SAMMSON: variants seen among roughly 807,000 people sequenced by gnomAD.
SAMMSON encodes survival associated mitochondrial melanoma specific oncogenic non-coding RNA.
At chr3:70,395,871 G>A (rs1020864084) in intron 2 of SAMMSON, among the ~76,000 whole-genome samples, 13 of 152,058 alleles carry the variant, frequency 8.5e-5, no homozygotes, top group Non-Finnish European at 1.5e-4. Flanking sequence ...GGTACTTAAA[G>A]GCACGAGCTT....
At chr3:70,136,395 G>C (rs192292359) in intron 4 of SAMMSON, among the ~76,000 whole-genome samples, 43 of 152,288 alleles carry the variant, frequency 2.8e-4, no homozygotes, top group Non-Finnish European at 3.4e-4. Flanking sequence ...ATCTATGGAG[G>C]GGTTCATGTG....
intron 6 of SAMMSON, among the ~76,000 whole-genome samples, chr3:70,290,198 C>T (rs1475131415): frequency 6.6e-6 from 1 of 152,124 alleles, no homozygotes; most frequent in Non-Finnish European, 1.5e-5. Context: ...GTTTTATCTA[C>T]TTTTGGTCTT....
intron 4 of SAMMSON, among the ~76,000 whole-genome samples, chr3:70,145,042 C>T (rs986487531): frequency 6.6e-6 from 1 of 152,110 alleles, no homozygotes; most frequent in Non-Finnish European, 1.5e-5. Context: ...ATCTGTTACC[C>T]ATCTTTCTCC....
intron 3 of SAMMSON, among the ~76,000 whole-genome samples, chr3:70,036,050 A>G (rs1471659267): frequency 6.6e-6 from 1 of 152,198 alleles, no homozygotes; most frequent in Non-Finnish European, 1.5e-5. Flanking sequence ...ATGGGCTTAC[A>G]GTCAGATAAA....
chr3:70,126,063 C>G (rs2067457187), intron 4 of SAMMSON: 1 of 1,084,896 alleles, frequency 9.2e-7, no homozygotes, highest in Admixed American at 2.0e-5. Context: ...GATGAAGGAC[C>G]TGTACATAGA....
chr3:70,103,280 A>G (rs1317710366), intron 4 of SAMMSON, among the ~76,000 whole-genome samples: 2 of 152,194 alleles, frequency 1.3e-5, no homozygotes, highest in African/African-American at 4.8e-5. Flanking sequence ...GCCAAACAAA[A>G]TATGCCAGAT....
At chr3:70,107,617 T>A (rs927659111) in intron 4 of SAMMSON, among the ~76,000 whole-genome samples, 5 of 144,828 alleles carry the variant, frequency 3.5e-5, no homozygotes, top group Admixed American at 6.8e-5. Flanking sequence ...TTTTTTTTTT[T>A]AATTTGAATT....
At chr3:70,106,949 C>G (rs1469990342) in intron 4 of SAMMSON, among the ~76,000 whole-genome samples, 1 of 152,210 alleles carries the variant, frequency 6.6e-6, no homozygotes, top group Non-Finnish European at 1.5e-5. Context: ...ATTGCAAATA[C>G]TACTTCCAAT....
intron 3 of SAMMSON, chr3:70,013,909 A>G (rs1353334119): frequency 6.6e-6 from 1 of 152,144 alleles, no homozygotes; most frequent in Non-Finnish European, 1.5e-5. Flanking sequence ...CTCTCTGGAA[A>G]ACTCTGTGAA....
In SAMMSON at chr3:70,383,058, C is replaced by T. The variant is rs138730441; in HGVS notation, n.914-6516C>T. Among the ~76,000 whole-genome samples the T allele has an allele frequency of 4.1e-3, 619 of 152,184 alleles. 4 individuals carry two copies. The highest frequency in any genetic ancestry group is 5.2e-3 in the Non-Finnish European group (356 of 67,974). On this transcript the variant is annotated intron_variant and non_coding_transcript_variant, in intron 9 of 9. Transcript: ENST00000642114. Reference sequence around the variant, plus strand: ...TCTCTTCCTCTCCCACACTCATGCTCTCATAGGTAACTTCCCTTCATAACT... The same window carrying T: ...TCTCTTCCTCTCCCACACTCATGCTTTCATAGGTAACTTCCCTTCATAACT...
intron 4 of SAMMSON, among the ~76,000 whole-genome samples, chr3:70,159,332 C>T (rs1337534079): frequency 6.6e-6 from 1 of 151,884 alleles, no homozygotes. Context: ...CCCATCCCCC[C>T]ACCCCACAAG....
chr3:70,078,825 C>A (rs1159118130), intron 4 of SAMMSON, among the ~76,000 whole-genome samples: 3 of 152,274 alleles, frequency 2.0e-5, no homozygotes, highest in Non-Finnish European at 4.4e-5. Context: ...ATGTCCTGGG[C>A]AACTCTCTTG....
chr3:70,110,700 C>T (rs2067384966), intron 4 of SAMMSON, among the ~76,000 whole-genome samples: 1 of 152,088 alleles, frequency 6.6e-6, no homozygotes, highest in Non-Finnish European at 1.5e-5. Flanking sequence ...ATGAGATTGG[C>T]CCAGCTCAGG....
intron 7 of SAMMSON, among the ~76,000 whole-genome samples, chr3:70,333,455 G>A (rs1702639844): frequency 6.6e-6 from 1 of 151,974 alleles, no homozygotes. Context: ...ACATAAATGG[G>A]AACTTTCATT....
At chr3:70,366,646 A>G (rs1702922668) in intron 9 of SAMMSON, among the ~76,000 whole-genome samples, 1 of 151,618 alleles carries the variant, frequency 6.6e-6, no homozygotes. Flanking sequence ...TGTCATAAAA[A>G]TTTATGTGCA....
intron 7 of SAMMSON, among the ~76,000 whole-genome samples, chr3:70,353,052 C>T (rs1438538476): frequency 1.3e-5 from 2 of 151,856 alleles, no homozygotes; most frequent in Admixed American, 1.3e-4. Context: ...AACAAAAGAA[C>T]TACTAAGTTT....
chr3:70,385,537 G>T (rs145586341), intron 9 of SAMMSON, among the ~76,000 whole-genome samples: 5 of 151,990 alleles, frequency 3.3e-5, no homozygotes, highest in African/African-American at 1.2e-4. Context: ...GCTGTGTGGG[G>T]GTGACAATGG....
chr3:70,237,351 C>T (rs1350206536), intron 4 of SAMMSON, among the ~76,000 whole-genome samples: 2 of 152,154 alleles, frequency 1.3e-5, no homozygotes, highest in East Asian at 1.9e-4. Flanking sequence ...GTTTATTTCC[C>T]ATCCCTCTCA....
intron 1 of SAMMSON, among the ~76,000 whole-genome samples, chr3:70,000,505 A>G (rs1010301237): frequency 7.2e-5 from 11 of 152,386 alleles, no homozygotes; most frequent in Middle Eastern, 3.4e-3. Context: ...GATATTCTCA[A>G]AAAGCTAGCA....
Sources: allele counts gnomAD v4.1 joint callset (sites outside exome capture counted in the v4.1 genomes callset), GRCh38; gene constraint gnomAD v4.1.1; transcripts MANE v1.5; gene names NCBI Gene and HGNC (gene_info 2026-07-23, HGNC 2026-07-21).